The following STPG2 variants were observed in gnomAD, a reference collection of about 807,000 sequenced individuals.
STPG2 encodes the protein sperm tail PG-rich repeat containing 2, also known as sperm-tail PG-rich repeat-containing protein 2.
Under a neutral mutation model 54.2 loss-of-function variants are expected in STPG2, and 56 were observed. The observed-to-expected ratio is 1.03, with a 90% CI of 0.83 to 1.29. The LOEUF (loss-of-function observed/expected upper bound fraction) is 1.29, where lower values mean the gene tolerates loss of function less well. STPG2 is among the 50% of genes most tolerant of loss of function. STPG2 has a pLI of 0.00. For missense variants in STPG2, 596 were observed against 544.9 expected (o/e 1.09, Z -0.93); for synonymous variants, 200 against 181.8 (o/e 1.10, Z -0.81).
chr4:97,548,054 G>T (rs1055187411), intron 4 of STPG2, among the ~76,000 whole-genome samples: 3 of 152,160 alleles, frequency 2.0e-5, no homozygotes, highest in African/African-American at 7.2e-5. Flanking sequence ...GGAGGCTGAG[G>T]CAGGAGAGTC....
At chr4:97,473,565 C>T (rs1433332218) in intron 4 of STPG2, among the ~76,000 whole-genome samples, 1 of 152,160 alleles carries the variant, frequency 6.6e-6, no homozygotes, top group African/African-American at 2.4e-5. Flanking sequence ...CCCGAAACTT[C>T]ATTAACAATT....
chr4:97,797,903 G>C (rs1454198976), intron 9 of STPG2, among the ~76,000 whole-genome samples: 1 of 152,056 alleles, frequency 6.6e-6, no homozygotes, highest in Non-Finnish European at 1.5e-5. Context: ...ACTTCTTCCT[G>C]GTTTAGTCTT....
At chr4:97,828,813 T>A (rs747811810) in intron 9 of STPG2, among the ~76,000 whole-genome samples, 10 of 152,148 alleles carry the variant, frequency 6.6e-5, no homozygotes, top group African/African-American at 9.7e-5. Context: ...AAGGCTGCTG[T>A]GGCCAGACTG....
At chr4:97,840,996 C>T in intron 8 of STPG2, 64 bp from the exon 9 acceptor site, 1 of 1,496,860 alleles carries the variant, frequency 6.7e-7, no homozygotes. Flanking sequence ...AAGAAGATAC[C>T]AGATGGATGG....
In STPG2 at chr4:97,840,809, T is replaced by C. The variant is rs1396928226; in HGVS notation, c.1168A>G (p.Thr390Ala). 1 of 1,611,666 alleles carries C rather than the reference T, an allele frequency of 6.2e-7. No homozygotes were observed. Among genetic ancestry groups the C allele is most frequent in the Admixed American group, 1.7e-5 (1 of 59,846 alleles). The change falls in exon 9 of 11, where the codon ACT becomes GCT. Residue 390 changes from threonine (T) to alanine (A), a missense_variant. Thr to Ala is a moderately conservative substitution (Grantham distance 58). Coordinates refer to ENST00000295268, the MANE Select transcript of STPG2 (RefSeq NM_174952.3). The stretch of plus-strand genomic sequence containing the variant: ...GTCACTTTTTCTAGGCACCGAGGAG[T>C]TGCACTAAGAAAAGAGGCATGTTTT... ...KRKHASFLSA[T>A]PRCLEKVTDG...
At chr4:98,073,104 T>A (rs547492926) in intron 5 of STPG2, among the ~76,000 whole-genome samples, 3 of 152,318 alleles carry the variant, frequency 2.0e-5, no homozygotes, top group East Asian at 1.9e-4. Flanking sequence ...AAGGAGTTTT[T>A]TTATACTTAT....
intron 8 of STPG2, among the ~76,000 whole-genome samples, chr4:97,891,752 G>GA: frequency 1.3e-5 from 2 of 152,032 alleles, no homozygotes; most frequent in Admixed American, 1.3e-4. Context: ...TTGAAGAAGA[G>GA]GATGAATTTT....
At chr4:97,636,899 A>T (rs1196353355) in intron 10 of STPG2, among the ~76,000 whole-genome samples, 5 of 151,924 alleles carry the variant, frequency 3.3e-5, no homozygotes, top group African/African-American at 9.6e-5. Flanking sequence ...TCACAGCCGA[A>T]TTCTACCAGA....
intron 7 of STPG2, among the ~76,000 whole-genome samples, chr4:97,957,807 T>A (rs527436436): frequency 1.3e-5 from 2 of 152,254 alleles, no homozygotes; most frequent in East Asian, 3.9e-4. Flanking sequence ...AACTTTTGTA[T>A]CCAGTGAAAC....
chr4:97,477,044 A>T (rs920352373), intron 4 of STPG2, among the ~76,000 whole-genome samples: 2 of 152,226 alleles, frequency 1.3e-5, no homozygotes, highest in Admixed American at 6.5e-5. Context: ...AGACCAACCT[A>T]TAACAATTTA....
intron 9 of STPG2, among the ~76,000 whole-genome samples, chr4:97,763,285 A>G (rs751288693): frequency 1.3e-5 from 2 of 152,150 alleles, no homozygotes; most frequent in Non-Finnish European, 2.9e-5. Context: ...AAAGGTGGTA[A>G]GTAGTCAATT....
intron 4 of STPG2, among the ~76,000 whole-genome samples, chr4:97,510,469 C>T (rs577996971): frequency 1.1e-4 from 17 of 151,578 alleles, no homozygotes; most frequent in Non-Finnish European, 1.9e-4. Flanking sequence ...ATCATTGATT[C>T]ATTCACATGT....
intron 5 of STPG2, among the ~76,000 whole-genome samples, chr4:98,027,869 G>A (rs1439881211): frequency 1.3e-5 from 2 of 152,104 alleles, no homozygotes; most frequent in African/African-American, 2.4e-5. Flanking sequence ...AGTCTCAATA[G>A]TCTTCCTTCA....
At chr4:98,084,687 T>C (rs2110119627) in intron 5 of STPG2, among the ~76,000 whole-genome samples, 1 of 152,330 alleles carries the variant, frequency 6.6e-6, no homozygotes, top group African/African-American at 2.4e-5. Context: ...CTGTCATTTT[T>C]GTTTGCATGT....
intron 8 of STPG2, among the ~76,000 whole-genome samples, chr4:97,921,274 G>T (rs1226917534): frequency 6.6e-6 from 1 of 152,146 alleles, no homozygotes; most frequent in Non-Finnish European, 1.5e-5. Flanking sequence ...TGCTCCGGCA[G>T]CCCCAGGATC....
chr4:97,476,367 T>G (rs1328032042), intron 4 of STPG2, among the ~76,000 whole-genome samples: 2 of 152,268 alleles, frequency 1.3e-5, no homozygotes, highest in South Asian at 2.1e-4. Context: ...TTAAAAAATT[T>G]TTCTATATAT....
chr4:98,133,075 G>A lies in STPG2; in HGVS notation c.222+1272C>T, dbSNP rs567509411. 3.3e-5 allele frequency among the ~76,000 whole-genome samples: 5 copies of A among 151,118 alleles called. No homozygotes were observed. In the South Asian group the frequency reaches 1.0e-3, roughly 32 times the overall value. On this transcript the variant is annotated intron_variant, in intron 2 of 10. Transcript: ENST00000295268. ...GGTCATTTCCAGAAAAAATTATAAA[G>A]ACTTATTAGCAACAGCTTGGTTTTA...
chr4:97,591,459 C>T (rs541244875), intron 10 of STPG2, among the ~76,000 whole-genome samples: 2 of 152,242 alleles, frequency 1.3e-5, no homozygotes, highest in South Asian at 4.2e-4. Context: ...CATAAGCAGA[C>T]TTGCTTGATT....
At chr4:97,667,413 C>G (rs536740415) in intron 10 of STPG2, among the ~76,000 whole-genome samples, 2 of 152,248 alleles carry the variant, frequency 1.3e-5, no homozygotes, top group East Asian at 3.9e-4. Context: ...GTGCAGTTTT[C>G]AAGCAAGTAT....
Sources: gnomAD v4.1 joint callset for allele counts (sites outside exome capture counted in the v4.1 genomes callset) on GRCh38, gnomAD v4.1.1 for gene constraint, MANE v1.5 for transcripts, NCBI Gene and HGNC (gene_info 2026-07-23, HGNC 2026-07-21) for gene names.